Variants in INPP5D observed in about 807,000 individuals in gnomAD.
INPP5D encodes inositol polyphosphate-5-phosphatase D.
INPP5D carries 33 observed loss-of-function variants against 122.9 expected under a neutral mutation model. The ratio of observed to expected loss-of-function variants is 0.27; its 90% CI spans 0.20 to 0.36. INPP5D has a LOEUF of 0.36. Ranked by LOEUF, INPP5D falls within the 10% of genes least tolerant of loss-of-function variation. The probability of loss-of-function intolerance (pLI) is 1.00; values close to 1 mark genes in which losing one functional copy is unlikely to be tolerated. For missense variants in INPP5D, 1,053 were observed against 1,412.7 expected, an observed-to-expected ratio of 0.75 and a Z score of 4.08; for synonymous variants, 584 against 576.2, an observed-to-expected ratio of 1.01 and a Z score of -0.19.
In INPP5D at chr2:233,204,530, C is replaced by T. The variant is rs534965684; in HGVS notation, c.3380C>T (p.Ser1127Leu). Residue 1127 changes from serine to leucine, a missense_variant, in exon 26 of 27, where the codon TCG (serine) becomes TTG (leucine). By Grantham distance (145) the Ser-to-Leu change is moderately radical (BLOSUM62 -2). Around this residue, in one of 6 missense-constraint regions of INPP5D, gnomAD observed 417 missense variants for 425.8 expected, o/e 0.98. Transcript: ENST00000445964. ...AAGAGGCCCATCAAGCCTTCCAGAT[C>T]GGAAATCAACCAGCAGACCCCGCCC... Reference protein sequence around the residue: ...PAKRPIKPSRSEINQQTPPTP... With the variant: ...PAKRPIKPSRLEINQQTPPTP... 1.3e-6 allele frequency: 2 copies of T among 1,579,754 alleles called. No individual in the cohort carries two copies. Among genetic ancestry groups the T allele is most frequent in the Non-Finnish European group, 1.7e-6 (2 of 1,164,492 alleles).
At chr2:233,144,518 A>G (rs1272120672) in intron 6 of INPP5D, among the ~76,000 whole-genome samples, 22 of 101,544 alleles carry the variant, frequency 2.2e-4, no homozygotes, top group African/African-American at 6.8e-4. Flanking sequence ...GGTGGTGGTG[A>G]TGGTGATGGT....
At chr2:233,195,568 C>T (rs533388180) in intron 24 of INPP5D, 73 bp downstream of exon 24, 62 of 1,600,038 alleles carry the variant, frequency 3.9e-5, no homozygotes, top group East Asian at 3.8e-4. Context: ...ATGGTTTGGC[C>T]GGGTGCGATG....
At chr2:233,148,718 T>C (rs1693840545) in intron 9 of INPP5D, among the ~76,000 whole-genome samples, 2 of 152,116 alleles carry the variant, frequency 1.3e-5, no homozygotes, top group Admixed American at 1.3e-4. Context: ...GGGTGGCCAA[T>C]GGGTTCCCCC....
At chr2:233,136,166 T>C (rs906178841) in intron 5 of INPP5D, among the ~76,000 whole-genome samples, 46 of 152,298 alleles carry the variant, frequency 3.0e-4, no homozygotes, top group African/African-American at 1.1e-3. Context: ...GCTTTAAAAG[T>C]TCTGCTCTAT....
chr2:233,137,228 AG>A (rs1183431919), intron 5 of INPP5D, among the ~76,000 whole-genome samples: 4 of 5,648 alleles, frequency 7.1e-4, no homozygotes, highest in Non-Finnish European at 7.0e-3. Context: ...GGCTTTATCT[AG>A]GTCACTCCAA....
chr2:233,190,542 G>T lies in INPP5D; in HGVS notation c.2446+605G>T, dbSNP rs140239020. Among the ~76,000 whole-genome samples, 458 of 95,206 alleles carry T rather than the reference G, an allele frequency of 4.8e-3. 2 individuals are homozygous for T. Among genetic ancestry groups the T allele is most frequent in the African/African-American group, 0.019 (432 of 23,106 alleles). The allele number at this position is 95,206 out of a possible 152,430, so 62.5% of individuals were successfully genotyped here. On this transcript the variant is annotated intron_variant, in intron 22 of 26. Transcript: ENST00000445964. ...TGAGGTGTCGTTCAGGGTCCCCTGA[G>T]TGGGACTTGGGGTGCTGGAAACACA...
rs1250517155 is a variant in INPP5D at position 233,078,491 on chromosome 2, T to A, written c.135-844T>A. Reference sequence around the variant, plus strand: ...CTGGGAGATAATCCACGGGGCATAGTGTCCAAGAGGATGAAGCCATTTGGG... The same window carrying A: ...CTGGGAGATAATCCACGGGGCATAGAGTCCAAGAGGATGAAGCCATTTGGG... On this transcript the variant is annotated intron_variant, in intron 1 of 26. Coordinates refer to ENST00000445964, the MANE Select transcript of INPP5D (RefSeq NM_001017915.3). The surrounding 1 kb of genome is among the most constrained non-coding windows in gnomAD (Gnocchi z 4.6). Among the ~76,000 whole-genome samples the A allele has an allele frequency of 6.6e-6, 1 of 152,056 alleles. No individual in the cohort carries two copies. The highest frequency in any genetic ancestry group is 1.5e-5 in the Non-Finnish European group (1 of 67,996).
intron 17 of INPP5D, among the ~76,000 whole-genome samples, chr2:233,176,057 T>C (rs1025468438): frequency 6.6e-6 from 1 of 152,152 alleles, no homozygotes; most frequent in South Asian, 2.1e-4. Context: ...ATGACAGAGA[T>C]AAGCTCTTTC....
intron 1 of INPP5D, among the ~76,000 whole-genome samples, chr2:233,069,432 C>T (rs1340012321): frequency 6.6e-6 from 1 of 152,246 alleles, no homozygotes; most frequent in East Asian, 1.9e-4. Flanking sequence ...CACTGAGACA[C>T]TAGAATAACC....
chr2:233,169,760 T>C (rs7569837), intron 14 of INPP5D: 166,593 of 607,696 alleles, frequency 0.27, 24,753 homozygotes, highest in East Asian at 0.47. Context: ...GAATCTTCAC[T>C]GTTCTGATTC....
At chr2:233,110,919 C>T (rs1383536101) in intron 2 of INPP5D, among the ~76,000 whole-genome samples, 4 of 146,254 alleles carry the variant, frequency 2.7e-5, no homozygotes, top group African/African-American at 8.0e-5. Flanking sequence ...AGCGAGACTC[C>T]GTCTCTTAAA....
intron 5 of INPP5D, among the ~76,000 whole-genome samples, chr2:233,136,955 C>T (rs749252859): frequency 5.9e-5 from 9 of 152,010 alleles, no homozygotes; most frequent in South Asian, 2.1e-4. Flanking sequence ...ACATAGTTTA[C>T]GTAAAATATA....
intron 2 of INPP5D, among the ~76,000 whole-genome samples, chr2:233,087,619 C>T (rs952932106): frequency 2.0e-4 from 31 of 152,146 alleles, no homozygotes; most frequent in African/African-American, 7.0e-4. Context: ...GCCACCATGC[C>T]CAGCCCTGAG....
intron 2 of INPP5D, among the ~76,000 whole-genome samples, chr2:233,121,693 CT>C (rs11416616): frequency 1.3e-5 from 2 of 149,610 alleles, no homozygotes; most frequent in South Asian, 2.1e-4. Context: ...TTTTTGTATT[CT>C]TTTTTTTTGT....
At chr2:233,173,477 CAATTT>C (rs1196764097) in intron 17 of INPP5D, among the ~76,000 whole-genome samples, 1 of 152,018 alleles carries the variant, frequency 6.6e-6, no homozygotes, top group African/African-American at 2.4e-5. Flanking sequence ...TATTTATAAA[CAATTT>C]AATTTTTGAC....
chr2:233,145,740 G>C (rs1027762909), intron 6 of INPP5D, among the ~76,000 whole-genome samples: 2 of 152,080 alleles, frequency 1.3e-5, no homozygotes, highest in Non-Finnish European at 2.9e-5. Context: ...GGCAGGGAAG[G>C]GGTCGGGATC....
intron 2 of INPP5D, among the ~76,000 whole-genome samples, chr2:233,106,033 C>T (rs1692460134): frequency 6.6e-6 from 1 of 152,194 alleles, no homozygotes; most frequent in Non-Finnish European, 1.5e-5. Context: ...GTTGCCTTAT[C>T]TCTCGCAGCC....
chr2:233,082,374 A>T lies in INPP5D; in HGVS notation c.198+2976A>T, dbSNP rs1247614776. Among the ~76,000 whole-genome samples the T allele has an allele frequency of 6.6e-6, 1 of 152,114 alleles. No homozygotes were observed. The highest frequency in any genetic ancestry group is 1.5e-5 in the Non-Finnish European group (1 of 68,008). ...TATTTTAACTCAAGTTCCTCTTTTC[A>T]TGTTGAGGCAAAACCTCACAGTCTT... is the stretch of plus-strand genomic sequence containing the variant. On this transcript the variant is annotated intron_variant, in intron 2 of 26. Transcript: ENST00000445964. This position sits in a 1 kb window ranked among gnomAD's most constrained non-coding sequence, Gnocchi z 4.7.
chr2:233,125,863 C>A lies in INPP5D; in HGVS notation c.468C>A (p.Ser156Arg), dbSNP rs1453017014. 6.2e-7 allele frequency: 1 copy of A among 1,613,686 alleles called. No individual in the cohort carries two copies. The highest frequency in any genetic ancestry group is 2.2e-5 in the East Asian group (1 of 44,864). The change falls in exon 4 of 27, where the codon AGC (serine) becomes AGA (arginine). Residue 156 changes from serine (S) to arginine (R), a missense_variant. Ser to Arg is a moderately radical substitution (Grantham distance 110). Around this residue, in one of 6 missense-constraint regions of INPP5D, gnomAD observed 196 missense variants for 175.6 expected, o/e 1.12. Coordinates refer to ENST00000445964, the MANE Select transcript of INPP5D (RefSeq NM_001017915.3). ...SNENPRATET[S>R]RPSLSETLFQ... is the part of the protein sequence containing the mutation. ...AGAATCCCCGAGCGACCGAGACCAG[C>A]CGGCCGAGCCTCTCCGAGACATTGT...
Sources: gnomAD v4.1 joint callset for allele counts (sites outside exome capture counted in the v4.1 genomes callset) on GRCh38, gnomAD v4.1.1 for gene constraint, gnomAD v4.1.1 regional missense constraint, Gnocchi (gnomAD v3.1) non-coding constraint, MANE v1.5 for transcripts, NCBI Gene and HGNC (gene_info 2026-07-23, HGNC 2026-07-21) for gene names.